Variants in GRM5 observed in about 807,000 individuals in gnomAD.
GRM5 encodes the protein metabotropic glutamate receptor 5.
GRM5 carries 19 observed loss-of-function variants against 83.1 expected under a neutral mutation model. That is an observed-to-expected ratio of 0.23 (90% CI 0.16 to 0.34). The LOEUF is 0.34. Ranked by LOEUF, GRM5 falls within the 10% of genes least tolerant of loss-of-function variation. The probability of loss-of-function intolerance (pLI) is 1.00; values close to 1 mark genes in which losing one functional copy is unlikely to be tolerated. For synonymous variants in GRM5, 675 were observed against 633.6 expected (o/e 1.07, Z -0.98); for missense variants, 1,160 against 1,588.3 (o/e 0.73, Z 4.58).
chr11:88,591,788 G>C (rs1937645508), intron 6 of GRM5, among the ~76,000 whole-genome samples: 1 of 152,154 alleles, frequency 6.6e-6, no homozygotes, highest in African/African-American at 2.4e-5. Context: ...GCCTGAAATA[G>C]CTTTTCCCTA....
Position 88,590,743 on chromosome 11 carries a change from G to C in GRM5, c.1564-16C>G. On this transcript the variant is annotated splice_polypyrimidine_tract_variant and intron_variant, in intron 6 of 9. Transcript: ENST00000305447. ...TTCGGATCACCTAAGGCAAATATTT[G>C]AAATTTAGATTTTTTTTTGCATAGA... The C allele has an allele frequency of 6.2e-7, 1 of 1,601,528 alleles. No homozygotes were observed. Among genetic ancestry groups the C allele is most frequent in the Non-Finnish European group, 8.5e-7 (1 of 1,172,248 alleles).
At chr11:88,723,110 A>G (rs576123400) in intron 3 of GRM5, among the ~76,000 whole-genome samples, 1 of 151,638 alleles carries the variant, frequency 6.6e-6, no homozygotes, top group Admixed American at 6.6e-5. Flanking sequence ...AATGTCATAT[A>G]TTAAGAATAA....
At chr11:89,005,997 C>T (rs180793558) in intron 2 of GRM5, among the ~76,000 whole-genome samples, 1 of 152,126 alleles carries the variant, frequency 6.6e-6, no homozygotes, top group African/African-American at 2.4e-5. Flanking sequence ...TAGCAAAGAC[C>T]GGAAGCATAA....
rs3031470 is a variant in GRM5 at position 88,845,321 on chromosome 11, C to CCTTTT, written c.911+4584_911+4585insAAAAG. 4.2e-5 allele frequency among the ~76,000 whole-genome samples: 6 copies of CCTTTT among 142,458 alleles called. 1 individual carries two copies. Among genetic ancestry groups the CCTTTT allele is most frequent in the Non-Finnish European group, 3.1e-5 (2 of 65,204 alleles). 93.5% of individuals were successfully genotyped at this position (142,458 alleles called of 152,430 possible). A position where few individuals can be genotyped will look rare whatever the true frequency, so the allele number is the denominator to read the frequency against. Reference sequence around the variant, plus strand: ...CACTGAAGGCTCAGATGATCACTTGCTTTTTTTTTTTAGCAATAAAGTATA... The same window carrying CCTTTT: ...CACTGAAGGCTCAGATGATCACTTGCCTTTTTTTTTTTTTTTAGCAATAAAGTATA... On this transcript the variant is annotated intron_variant, in intron 3 of 9. Coordinates refer to ENST00000305447, the MANE Select transcript of GRM5 (RefSeq NM_001143831.3).
At chr11:88,591,235 T>C (rs1230882347) in intron 6 of GRM5, among the ~76,000 whole-genome samples, 14 of 152,234 alleles carry the variant, frequency 9.2e-5, no homozygotes, top group African/African-American at 2.9e-4. Flanking sequence ...GGGTAGAACA[T>C]AGCAAAAGAT....
intron 3 of GRM5, among the ~76,000 whole-genome samples, chr11:88,823,986 A>C (rs1943848438): frequency 6.6e-6 from 1 of 152,120 alleles, no homozygotes; most frequent in African/African-American, 2.4e-5. Context: ...AACTGCTATC[A>C]CAGATTTCCG....
chr11:88,639,623 T>C (rs1052962063), intron 4 of GRM5, among the ~76,000 whole-genome samples: 5 of 151,586 alleles, frequency 3.3e-5, no homozygotes, highest in Non-Finnish European at 5.9e-5. Flanking sequence ...AGTCTCGCAC[T>C]GTCACCCAGG....
Position 88,550,453 on chromosome 11 carries a change from C to T in GRM5, c.2630+16600G>A, listed in dbSNP as rs184996128. ...CATCTGAATCTGTCTTTAGGACACA[C>T]ATCCAACTCCGTGTACCAATTTAGT... On this transcript the variant is annotated intron_variant, in intron 8 of 9. Coordinates refer to ENST00000305447, the MANE Select transcript of GRM5 (RefSeq NM_001143831.3). Among the ~76,000 whole-genome samples, 314 of 152,316 alleles carry T rather than the reference C, an allele frequency of 2.1e-3. 3 individuals are homozygous for T. Among genetic ancestry groups the T allele is most frequent in the African/African-American group, 7.5e-3 (311 of 41,572 alleles).
chr11:88,736,773 A>T (rs1565207667), intron 3 of GRM5, among the ~76,000 whole-genome samples: 1 of 152,050 alleles, frequency 6.6e-6, no homozygotes, highest in Non-Finnish European at 1.5e-5. Context: ...CCATGACAAG[A>T]TTAAAGTGCC....
At position 88,693,907 on chromosome 11, in the gene GRM5, C is replaced by A. The variant is rs939825742; in HGVS notation, c.912-40504G>T. ...GAGAGGGAAGGAAGGACATCTCAGG[C>A]TGGGTAATAGATAAATGTGAAATTT... On this transcript the variant is annotated intron_variant, in intron 3 of 9. Transcript: ENST00000305447. Among the ~76,000 whole-genome samples the A allele has an allele frequency of 2.0e-5, 3 of 152,146 alleles. No individual in the cohort carries two copies. In the East Asian group the frequency reaches 5.8e-4, roughly 29 times the overall value.
At chr11:88,638,675 T>C (rs1157833247) in intron 4 of GRM5, among the ~76,000 whole-genome samples, 3 of 152,132 alleles carry the variant, frequency 2.0e-5, no homozygotes, top group Non-Finnish European at 4.4e-5. Flanking sequence ...TATAGGACCA[T>C]TCATATTTTC....
chr11:89,064,919 A>AGG (rs1942068542), intron 1 of GRM5, among the ~76,000 whole-genome samples: 1 of 63,766 alleles, frequency 1.6e-5, no homozygotes, highest in African/African-American at 5.8e-5. Context: ...TGTGTGTGAG[A>AGG]GAGAGAGAGA....
At chr11:88,688,210 G>A (rs966082611) in intron 3 of GRM5, among the ~76,000 whole-genome samples, 4 of 152,092 alleles carry the variant, frequency 2.6e-5, no homozygotes, top group African/African-American at 9.7e-5. Context: ...TTTAAACTCA[G>A]AATCAGTTTA....
At chr11:88,976,112 T>C (rs1364772968) in intron 2 of GRM5, among the ~76,000 whole-genome samples, 3 of 152,204 alleles carry the variant, frequency 2.0e-5, no homozygotes. Context: ...AATGATGCTT[T>C]AAGTGAAATG....
chr11:88,955,563 G>A (rs747451896), intron 2 of GRM5, among the ~76,000 whole-genome samples: 9 of 152,004 alleles, frequency 5.9e-5, no homozygotes, highest in South Asian at 2.1e-4. Context: ...CAACTTCTTC[G>A]TTAGCTTAAA....
At chr11:88,783,405 C>T (rs987738563) in intron 3 of GRM5, among the ~76,000 whole-genome samples, 1 of 151,948 alleles carries the variant, frequency 6.6e-6, no homozygotes, top group Non-Finnish European at 1.5e-5. Context: ...TTATCACATA[C>T]AAGATGGCTA....
chr11:88,608,778 C>T (rs557521831), intron 4 of GRM5, among the ~76,000 whole-genome samples: 2 of 152,210 alleles, frequency 1.3e-5, no homozygotes, highest in Non-Finnish European at 2.9e-5. Context: ...CACTTGGCCT[C>T]CCAAAGTGCT....
In GRM5 at chr11:88,614,647, G is replaced by A. The variant is rs557554052; in HGVS notation, c.1148-9683C>T. ...CTACACTGTTTATTGCATTGAATGG[G>A]GACAATATTGACAATTTGCATTTGC... On this transcript the variant is annotated intron_variant, in intron 4 of 9. Coordinates refer to ENST00000305447, the MANE Select transcript of GRM5 (RefSeq NM_001143831.3). Among the ~76,000 whole-genome samples the A allele has an allele frequency of 9.9e-5, 15 of 152,150 alleles. No individual in the cohort carries two copies. The South Asian group carries it at 3.1e-3, about 32-fold the overall frequency.
At chr11:88,709,118 G>T (rs943418622) in intron 3 of GRM5, among the ~76,000 whole-genome samples, 2 of 152,030 alleles carry the variant, frequency 1.3e-5, no homozygotes, top group African/African-American at 2.4e-5. Flanking sequence ...TGGACTTCTG[G>T]TGCTCTTGGC....
Sources: allele counts gnomAD v4.1 joint callset (sites outside exome capture counted in the v4.1 genomes callset), GRCh38; gene constraint gnomAD v4.1.1; transcripts MANE v1.5; gene names NCBI Gene and HGNC (gene_info 2026-07-23, HGNC 2026-07-21).